Variants in INCENP observed in about 807,000 individuals in gnomAD.
INCENP encodes the protein inner centromere protein, also known as binds and activates aurora-B and -C in vivo and in vitro.
In INCENP, 43 loss-of-function variants were observed where a neutral mutation model predicts 107.3. The observed-to-expected ratio is 0.40, with a 90% CI of 0.31 to 0.52. INCENP has a LOEUF of 0.52. Among genes scored for constraint, INCENP ranks in the 20% least tolerant of loss-of-function variants. The pLI, the probability that INCENP is intolerant of heterozygous loss-of-function variation, is 0.53. For synonymous variants in INCENP, 488 were observed against 494.4 expected (o/e 0.99, Z 0.17); for missense variants, 1,089 against 1,250.9 (o/e 0.87, Z 1.95).
rs1043705188 is a variant in INCENP, at chr11:62,138,749, T to G, written c.1152T>G (p.Pro384=). The part of the protein sequence containing the change: ...EQKEPPEEAE[P]VAAAEPEVPE... ...AGGAACCCCCCGAGGAGGCTGAGCC[T>G]GTGGCGGCAGCTGAGCCAGAGGTAA... The change falls in exon 6 of 19, where the codon CCT becomes CCG. Residue 384 remains proline, a synonymous_variant. Transcript: ENST00000394818. The G allele has an allele frequency of 3.1e-6, 5 of 1,614,078 alleles. No individual in the cohort carries two copies. Among genetic ancestry groups the G allele is most frequent in the Non-Finnish European group, 4.2e-6 (5 of 1,179,976 alleles).
chr11:62,143,015 G>T (rs899223077), intron 11 of INCENP, among the ~76,000 whole-genome samples: 2 of 135,650 alleles, frequency 1.5e-5, no homozygotes, highest in Admixed American at 1.6e-4. Flanking sequence ...AGGGCCACCT[G>T]CCAGGGGGAC....
At chr11:62,139,125 G>T in intron 7 of INCENP, 120 bp downstream of exon 7, 1 of 710,106 alleles carries the variant, frequency 1.4e-6, no homozygotes, top group Non-Finnish European at 2.5e-6. Context: ...AGGCTAAAGA[G>T]AAATTAAACC....
chr11:62,141,860 A>G (rs1944131924), intron 11 of INCENP: 3 of 418,104 alleles, frequency 7.2e-6, no homozygotes, highest in Admixed American at 3.9e-5. Flanking sequence ...TGAAGAGAAC[A>G]GACAGGTTGT....
chr11:62,152,699 A>G lies in INCENP; in HGVS notation c.*723A>G, dbSNP rs1462511754. 1 of 152,260 alleles carries G rather than the reference A, an allele frequency of 6.6e-6. No homozygotes were observed. Among genetic ancestry groups the G allele is most frequent in the Non-Finnish European group, 1.5e-5 (1 of 68,164 alleles). The allele number at this position is 152,260 out of a possible 1,614,324, so 9.4% of individuals were successfully genotyped here. A position where few individuals can be genotyped will look rare whatever the true frequency, so the allele number is the denominator to read the frequency against. On this transcript the variant is annotated 3_prime_UTR_variant, in exon 19 of 19. Coordinates refer to ENST00000394818, the MANE Select transcript of INCENP (RefSeq NM_001040694.2). ...CTCCACCCGTGCTGCTCAGGTGCAAATGGACTTGAGAGCATCTATGTGCTG... is the reference window on the plus strand; with the variant it reads ...CTCCACCCGTGCTGCTCAGGTGCAAGTGGACTTGAGAGCATCTATGTGCTG...
intron 4 of INCENP, among the ~76,000 whole-genome samples, chr11:62,132,543 T>C (rs1943913633): frequency 6.6e-6 from 1 of 152,164 alleles, no homozygotes; most frequent in African/African-American, 2.4e-5. Flanking sequence ...GTTTTGGAGA[T>C]TTTCTCAGGC....
In INCENP at chr11:62,137,657, C is replaced by T. The variant is rs116956494; in HGVS notation, c.1064-175C>T. 5.9e-3 allele frequency among the ~76,000 whole-genome samples: 905 copies of T among 152,164 alleles called. 7 individuals carry two copies. The highest frequency in any genetic ancestry group is 0.034 in the Middle Eastern group (10 of 294). ...GCCGGGGACATGAAGCCAGCAGCTC[C>T]GATAAGGACACTAGTATGAGTGCTG... On this transcript the variant is annotated intron_variant, in intron 4 of 18. Coordinates refer to ENST00000394818, the MANE Select transcript of INCENP (RefSeq NM_001040694.2).
intron 3 of INCENP, 84 bp downstream of exon 3, chr11:62,128,967 T>C (rs901252337): frequency 2.1e-6 from 2 of 948,092 alleles, no homozygotes; most frequent in African/African-American, 3.2e-5. Flanking sequence ...CTGAAGGTGT[T>C]GATTTGGAAG....
chr11:62,130,180 C>T lies in INCENP; in HGVS notation c.653C>T (p.Ser218Leu), dbSNP rs894324824. Residue 218 changes from serine to leucine, a missense_variant, in exon 4 of 19, where the codon TCA (serine) becomes TTA (leucine). Coordinates refer to ENST00000394818, the MANE Select transcript of INCENP (RefSeq NM_001040694.2). ...GGCATCCCGACATCAGATGAGGAATCAACACCTAAGAAGTCGAAGGCCAGG... is the reference window on the plus strand; with the variant it reads ...GGCATCCCGACATCAGATGAGGAATTAACACCTAAGAAGTCGAAGGCCAGG... Reference protein sequence around the residue: ...SQGIPTSDEESTPKKSKARIL... With the variant: ...SQGIPTSDEELTPKKSKARIL... 3.1e-6 allele frequency: 5 copies of T among 1,614,008 alleles called. No individual in the cohort carries two copies. The highest frequency in any genetic ancestry group is 4.2e-6 in the Non-Finnish European group (5 of 1,180,032).
intron 14 of INCENP, among the ~76,000 whole-genome samples, chr11:62,146,090 C>A (rs1226851165): frequency 6.6e-6 from 1 of 152,176 alleles, no homozygotes; most frequent in Non-Finnish European, 1.5e-5. Context: ...GTGTTAATGT[C>A]TGTAAAATGC....
intron 4 of INCENP, among the ~76,000 whole-genome samples, chr11:62,135,730 C>G (rs1289541554): frequency 6.6e-6 from 1 of 152,128 alleles, no homozygotes; most frequent in East Asian, 1.9e-4. Flanking sequence ...CAGAAAAGTC[C>G]TTAGATATTA....
At chr11:62,142,407 C>A (rs1174958288) in intron 11 of INCENP, among the ~76,000 whole-genome samples, 7 of 152,186 alleles carry the variant, frequency 4.6e-5, no homozygotes, top group Non-Finnish European at 8.8e-5. Flanking sequence ...CCACCTGTGC[C>A]GATTAGAGCC....
intron 11 of INCENP, among the ~76,000 whole-genome samples, chr11:62,143,923 C>G (rs918838495): frequency 6.6e-6 from 1 of 152,244 alleles, no homozygotes; most frequent in African/African-American, 2.4e-5. Context: ...CCCATCCCTG[C>G]TGGCTGCCCA....
In INCENP at chr11:62,151,856, T is replaced by G; in HGVS notation, c.2637T>G (p.Asp879Glu). ...FGTILPLDLE[D>E]IFKKSKPRYH... ...CCATTCTCCCACTGGACTTGGAGGA[T>G]ATCTTCAAGAAGAGCAAGCCCCGCT... Residue 879 changes from aspartate (D) to glutamate (E), a missense_variant, in exon 19 of 19, where the codon GAT (aspartate) becomes GAG (glutamate). Asp to Glu is a conservative substitution (Grantham distance 45). Coordinates refer to ENST00000394818, the MANE Select transcript of INCENP (RefSeq NM_001040694.2). The G allele has an allele frequency of 5.6e-6, 9 of 1,614,148 alleles. No homozygotes were observed. Among genetic ancestry groups the G allele is most frequent in the Non-Finnish European group, 7.6e-6 (9 of 1,179,994 alleles).
At chr11:62,126,249 G>A (rs2134603539) in intron 1 of INCENP, among the ~76,000 whole-genome samples, 1 of 150,874 alleles carries the variant, frequency 6.6e-6, no homozygotes, top group African/African-American at 2.4e-5. Flanking sequence ...GGGCTGGAGT[G>A]CAGTGGTGTG....
At position 62,152,062 on chromosome 11, in the gene INCENP, T is replaced by G; in HGVS notation, c.*86T>G. On this transcript the variant is annotated 3_prime_UTR_variant, in exon 19 of 19. Transcript: ENST00000394818. ...CGGTCTCTGTCTTGGTCTGTTGCCC[T>G]CCTTCTTGGCATGCCATTGTGGAGG... 3 of 1,038,768 alleles carry G rather than the reference T, an allele frequency of 2.9e-6. No homozygotes were observed. Among genetic ancestry groups the G allele is most frequent in the African/African-American group, 1.6e-5 (1 of 63,214 alleles). The allele number at this position is 1,038,768 out of a possible 1,614,324, so 64.3% of individuals were successfully genotyped here. A position where few individuals can be genotyped will look rare whatever the true frequency, so the allele number is the denominator to read the frequency against.
In INCENP at chr11:62,138,731, C is replaced by A. The variant is rs770897873; in HGVS notation, c.1134C>A (p.Pro378=). 3.1e-5 allele frequency: 50 copies of A among 1,613,996 alleles called. No homozygotes were observed. The highest frequency in any genetic ancestry group is 3.9e-5 in the Non-Finnish European group (46 of 1,180,008). Residue 378 remains proline (P), a synonymous_variant, in exon 6 of 19, where the codon CCC becomes CCA. Coordinates refer to ENST00000394818, the MANE Select transcript of INCENP (RefSeq NM_001040694.2). ...TTTTCAGTTCTGAGCAGAAGGAACC[C>A]CCCGAGGAGGCTGAGCCTGTGGCGG... ...PQKVGSEQKE[P]PEEAEPVAAA...
Position 62,151,757 on chromosome 11 carries a change from T to A in INCENP, c.2543-5T>A, listed in dbSNP as rs201829166. 2.5e-6 allele frequency: 4 copies of A among 1,613,698 alleles called. No individual in the cohort carries two copies. The Admixed American group carries it at 6.7e-5, about 27-fold the overall frequency. On this transcript the variant is annotated splice_polypyrimidine_tract_variant and splice_region_variant and intron_variant, in intron 18 of 18. Transcript: ENST00000394818. The stretch of plus-strand genomic sequence containing the variant: ...AGGCAGTGTCTGGTCTGTGGTCTCC[T>A]GCAGGCACCCCGCTCAGCCAGGCTA...
At chr11:62,150,594 A>G (rs945627742) in intron 18 of INCENP, among the ~76,000 whole-genome samples, 1 of 152,206 alleles carries the variant, frequency 6.6e-6, no homozygotes, top group African/African-American at 2.4e-5. Context: ...AGAATGGGGA[A>G]GGGTTTAGGC....
intron 15 of INCENP, among the ~76,000 whole-genome samples, chr11:62,147,171 G>A (rs567137072): frequency 6.6e-6 from 1 of 152,330 alleles, no homozygotes; most frequent in Non-Finnish European, 1.5e-5. Flanking sequence ...CAGGAGTGTG[G>A]TGCTCAGAGG....
Sources: allele counts gnomAD v4.1 joint callset (sites outside exome capture counted in the v4.1 genomes callset), GRCh38; gene constraint gnomAD v4.1.1; transcripts MANE v1.5; gene names NCBI Gene and HGNC (gene_info 2026-07-23, HGNC 2026-07-21).